CD1B: variants seen among roughly 807,000 people sequenced by gnomAD.
The protein encoded by CD1B is CD1b molecule.
Under a neutral mutation model 39.8 loss-of-function variants are expected in CD1B, and 43 were observed. The observed-to-expected ratio is 1.08, with a 90% confidence interval of 0.85 to 1.39. CD1B has a LOEUF of 1.39. Among genes scored for constraint, CD1B ranks in the 40% most tolerant of loss-of-function variants. The pLI is 0.00. For synonymous variants in CD1B, 192 were observed against 152.5 expected, an observed-to-expected ratio of 1.26 and a Z score of -1.91; for missense variants, 495 against 403.8, an observed-to-expected ratio of 1.23 and a Z score of -1.94.
the CD1B span, chr1:158,293,643 A>C: frequency 6.6e-7 from 1 of 1,519,240 alleles, no homozygotes; most frequent in Non-Finnish European, 9.0e-7. Context: ...TTTTTCTTGG[A>C]ATCTCCACTT....
the CD1B span, chr1:158,293,730 C>G: frequency 1.3e-6 from 1 of 752,184 alleles, no homozygotes; most frequent in Non-Finnish European, 2.2e-6. Context: ...CATACTGAAC[C>G]CAGAGAGCCC....
At chr1:158,328,465 G>A (rs1652442863) in intron 5 of CD1B, among the ~76,000 whole-genome samples, 1 of 152,072 alleles carries the variant, frequency 6.6e-6, no homozygotes, top group Non-Finnish European at 1.5e-5. Flanking sequence ...GCTACAATGA[G>A]GATATTACGC....
the CD1B span, among the ~76,000 whole-genome samples, chr1:158,299,924 T>C: frequency 1.5e-4 from 23 of 152,164 alleles, no homozygotes; most frequent in African/African-American, 4.1e-4. Flanking sequence ...TTGCTGATCT[T>C]TTCAAAAAGC....
At chr1:158,329,078 T>G in intron 4 of CD1B, 64 bp from the exon 5 acceptor site, 1 of 1,360,486 alleles carries the variant, frequency 7.4e-7, no homozygotes. Flanking sequence ...TCCTTGGCCT[T>G]CCTTTGCCCA....
chr1:158,311,045 C>T, the CD1B span, among the ~76,000 whole-genome samples: 28 of 152,124 alleles, frequency 1.8e-4, no homozygotes, highest in Non-Finnish European at 2.9e-4. Flanking sequence ...ATGTAGCTGC[C>T]GAACCTAAAA....
chr1:158,303,297 A>C, the CD1B span, among the ~76,000 whole-genome samples: 1 of 152,234 alleles, frequency 6.6e-6, no homozygotes, highest in Non-Finnish European at 1.5e-5. Flanking sequence ...AATTAGAGGC[A>C]TCTATGACAA....
chr1:158,305,968 T>A, the CD1B span, among the ~76,000 whole-genome samples: 1 of 152,224 alleles, frequency 6.6e-6, no homozygotes, highest in Non-Finnish European at 1.5e-5. Flanking sequence ...TACCAGCCAC[T>A]GCAAAAACAT....
the CD1B span, among the ~76,000 whole-genome samples, chr1:158,318,406 A>G: frequency 6.6e-6 from 1 of 152,108 alleles, no homozygotes; most frequent in African/African-American, 2.4e-5. Flanking sequence ...TGATCCCTTT[A>G]CCATTCTGTA....
At chr1:158,303,017 T>A in the CD1B span, among the ~76,000 whole-genome samples, 2 of 152,024 alleles carry the variant, frequency 1.3e-5, no homozygotes, top group South Asian at 4.2e-4. Flanking sequence ...GAAGAATATA[T>A]ATGCAAAAAT....
chr1:158,299,831 T>C, the CD1B span, among the ~76,000 whole-genome samples: 1 of 152,354 alleles, frequency 6.6e-6, no homozygotes, highest in Non-Finnish European at 1.5e-5. Context: ...TCAGTGGTGA[T>C]ATCCCCTTTA....
the CD1B span, among the ~76,000 whole-genome samples, chr1:158,291,732 C>T: frequency 1.3e-4 from 20 of 152,232 alleles, no homozygotes; most frequent in Middle Eastern, 3.4e-3. Context: ...GATCTATGTC[C>T]ACAGTTCAAT....
chr1:158,302,729 A>G, the CD1B span, among the ~76,000 whole-genome samples: 1 of 152,180 alleles, frequency 6.6e-6, no homozygotes, highest in African/African-American at 2.4e-5. Flanking sequence ...CCAAAATTGA[A>G]CCAGGAAGAA....
the CD1B span, among the ~76,000 whole-genome samples, chr1:158,318,859 T>C: frequency 1.3e-5 from 2 of 152,200 alleles, no homozygotes; most frequent in Non-Finnish European, 2.9e-5. Flanking sequence ...GGCAGGCCTG[T>C]TGGTGACAAA....
At chr1:158,308,192 C>G in the CD1B span, among the ~76,000 whole-genome samples, 86 of 152,246 alleles carry the variant, frequency 5.6e-4, no homozygotes, top group Non-Finnish European at 1.1e-3. Context: ...ACACCAGTAA[C>G]AGACAGAGAG....
chr1:158,298,926 G>A, the CD1B span, among the ~76,000 whole-genome samples: 2 of 152,170 alleles, frequency 1.3e-5, no homozygotes, highest in African/African-American at 4.8e-5. Context: ...CTGAGGTGAT[G>A]GGGTTTTCTA....
chr1:158,300,211 G>A, the CD1B span, among the ~76,000 whole-genome samples: 1,869 of 152,192 alleles, frequency 0.012, 38 homozygotes, highest in African/African-American at 0.04. Flanking sequence ...GTTTCCTAGA[G>A]CATCTTTATT....
At chr1:158,312,672 G>A in the CD1B span, among the ~76,000 whole-genome samples, 2 of 152,054 alleles carry the variant, frequency 1.3e-5, no homozygotes, top group Non-Finnish European at 2.9e-5. Flanking sequence ...GTTGGTGAAG[G>A]AAATATTACT....
the CD1B span, among the ~76,000 whole-genome samples, chr1:158,315,179 G>T: frequency 2.9e-4 from 44 of 152,186 alleles, no homozygotes; most frequent in African/African-American, 1.1e-3. Context: ...CTCAGTAATG[G>T]GATGGCTGGG....
At chr1:158,292,500 G>C in the CD1B span, 1 of 1,498,920 alleles carries the variant, frequency 6.7e-7, no homozygotes, top group Non-Finnish European at 9.0e-7. Flanking sequence ...TTAGAGGCAG[G>C]AAAAAGATAA....
Sources: gnomAD v4.1 joint callset for allele counts (sites outside exome capture counted in the v4.1 genomes callset) on GRCh38, gnomAD v4.1.1 for gene constraint, MANE v1.5 for transcripts, NCBI Gene and HGNC (gene_info 2026-07-23, HGNC 2026-07-21) for gene names.